Variants in DPP10 observed in about 807,000 individuals in gnomAD.
DPP10 encodes the protein inactive dipeptidyl peptidase 10.
Under a neutral mutation model 120.9 loss-of-function variants are expected in DPP10, and 33 were observed. The ratio of observed to expected loss-of-function variants is 0.27; its 90% CI spans 0.21 to 0.37. The LOEUF is 0.37. DPP10 is among the 10% of genes least tolerant of loss of function. DPP10 has a pLI of 1.00. For missense variants in DPP10, 816 were observed against 942.8 expected, an observed-to-expected ratio of 0.87 and a Z score of 1.76; for synonymous variants, 337 against 326.1, an observed-to-expected ratio of 1.03 and a Z score of -0.36.
chr2:115,836,128 A>G (rs2150119747), intron 21 of DPP10, 29 bp from the exon 22 acceptor site: 1 of 1,090,186 alleles, frequency 9.2e-7, no homozygotes, highest in Middle Eastern at 2.2e-4. Context: ...AGATATATAT[A>G]TATATATATA....
At chr2:115,209,666 G>A (rs548945647) in intron 1 of DPP10, among the ~76,000 whole-genome samples, 14 of 151,848 alleles carry the variant, frequency 9.2e-5, no homozygotes, top group African/African-American at 3.1e-4. Flanking sequence ...CAAACCTCTG[G>A]GCAATGTGGT....
At chr2:115,088,256 CACAA>C (rs1708892302) in intron 1 of DPP10, among the ~76,000 whole-genome samples, 2 of 152,166 alleles carry the variant, frequency 1.3e-5, no homozygotes, top group African/African-American at 4.8e-5. Context: ...TGTTAAGGGA[CACAA>C]ACATTCAGAC....
intron 1 of DPP10, among the ~76,000 whole-genome samples, chr2:115,063,353 T>C (rs529025486): frequency 2.0e-5 from 3 of 152,318 alleles, no homozygotes; most frequent in Admixed American, 6.5e-5. Flanking sequence ...TTCAGACTGA[T>C]GATAGTTTCT....
chr2:114,824,206 T>G (rs1017194363), intron 1 of DPP10, among the ~76,000 whole-genome samples: 12 of 152,186 alleles, frequency 7.9e-5, no homozygotes, highest in Non-Finnish European at 1.5e-4. Flanking sequence ...ATGACCTTAG[T>G]GTTAATACTG....
chr2:115,643,927 A>T (rs1280885774), intron 5 of DPP10, among the ~76,000 whole-genome samples: 2 of 152,162 alleles, frequency 1.3e-5, no homozygotes, highest in Admixed American at 6.5e-5. Context: ...CCACTTAAAA[A>T]TGTTGAATGT....
chr2:115,500,615 ACC>A (rs2076635847), intron 4 of DPP10, among the ~76,000 whole-genome samples: 1 of 152,036 alleles, frequency 6.6e-6, no homozygotes. Context: ...GCTAAATTTA[ACC>A]AGCCAACTAA....
intron 1 of DPP10, among the ~76,000 whole-genome samples, chr2:114,775,068 G>A (rs1025464266): frequency 1.3e-5 from 2 of 151,996 alleles, no homozygotes; most frequent in South Asian, 2.1e-4. Flanking sequence ...AGCCAATCTG[G>A]GTCCTGGTCC....
At chr2:115,279,328 G>A (rs1166324864) in intron 1 of DPP10, among the ~76,000 whole-genome samples, 1 of 152,094 alleles carries the variant, frequency 6.6e-6, no homozygotes, top group Non-Finnish European at 1.5e-5. Context: ...TTACTATGTG[G>A]AATGGACAGG....
intron 1 of DPP10, among the ~76,000 whole-genome samples, chr2:114,513,387 G>A (rs2104595268): frequency 6.6e-6 from 1 of 152,024 alleles, no homozygotes; most frequent in Admixed American, 6.6e-5. Context: ...CAAGTGTGGT[G>A]GTGGGCACCT....
At chr2:114,733,852 A>G (rs1677157851) in intron 1 of DPP10, among the ~76,000 whole-genome samples, 1 of 152,210 alleles carries the variant, frequency 6.6e-6, no homozygotes, top group Admixed American at 6.5e-5. Context: ...CTCATCTATT[A>G]GATATAATAG....
At chr2:115,719,756 A>G (rs1483566094) in intron 7 of DPP10, among the ~76,000 whole-genome samples, 1 of 152,138 alleles carries the variant, frequency 6.6e-6, no homozygotes, top group Admixed American at 6.6e-5. Flanking sequence ...TCTATATAAC[A>G]TTTTTCCTTT....
chr2:114,807,627 T>G (rs1263264197), intron 1 of DPP10, among the ~76,000 whole-genome samples: 1 of 152,202 alleles, frequency 6.6e-6, no homozygotes, highest in Non-Finnish European at 1.5e-5. Context: ...TGTTTATTAT[T>G]TTTGTATCTA....
intron 1 of DPP10, among the ~76,000 whole-genome samples, chr2:114,830,619 G>T (rs1452639914): frequency 6.6e-6 from 1 of 152,140 alleles, no homozygotes; most frequent in Admixed American, 6.6e-5. Context: ...ACTGTTGAAT[G>T]AAATTTTCAA....
chr2:115,332,282 AT>A (rs1451763744), intron 2 of DPP10, among the ~76,000 whole-genome samples: 2 of 151,974 alleles, frequency 1.3e-5, no homozygotes, highest in South Asian at 2.1e-4. Flanking sequence ...CCCCTTTATC[AT>A]TTTTTATTGT....
chr2:115,349,308 G>A (rs531187447), intron 3 of DPP10, among the ~76,000 whole-genome samples: 1 of 152,220 alleles, frequency 6.6e-6, no homozygotes, highest in South Asian at 2.1e-4. Flanking sequence ...ATTAAATCAA[G>A]GTAAGCCATG....
chr2:115,658,094 G>A (rs554640326), intron 5 of DPP10, among the ~76,000 whole-genome samples: 27 of 151,814 alleles, frequency 1.8e-4, no homozygotes, highest in African/African-American at 4.8e-4. Flanking sequence ...ACTATTTTTG[G>A]GAAGAATTCA....
intron 3 of DPP10, among the ~76,000 whole-genome samples, chr2:115,377,961 T>C (rs1355021165): frequency 6.6e-6 from 1 of 151,904 alleles, no homozygotes; most frequent in Non-Finnish European, 1.5e-5. Context: ...TGTAGCCTTG[T>C]AGTATAGTTT....
At chr2:114,471,757 C>A (rs562008428) in intron 1 of DPP10, among the ~76,000 whole-genome samples, 2 of 152,138 alleles carry the variant, frequency 1.3e-5, no homozygotes, top group Non-Finnish European at 2.9e-5. Flanking sequence ...TTGCTAGGCT[C>A]ATGAGATGGA....
At chr2:115,163,282 A>G (rs2052575369) in intron 1 of DPP10, among the ~76,000 whole-genome samples, 1 of 152,122 alleles carries the variant, frequency 6.6e-6, no homozygotes, top group South Asian at 2.1e-4. Context: ...CGATGCTGTT[A>G]TTAATATTGC....
Sources: gnomAD v4.1 joint callset for allele counts (sites outside exome capture counted in the v4.1 genomes callset) on GRCh38, gnomAD v4.1.1 for gene constraint, MANE v1.5 for transcripts, NCBI Gene and HGNC (gene_info 2026-07-23, HGNC 2026-07-21) for gene names.